ACAN: variants seen among roughly 807,000 people sequenced by gnomAD.
ACAN encodes the protein aggrecan core protein.
In ACAN, 47 loss-of-function variants were observed where a neutral mutation model predicts 169.1. The observed-to-expected ratio is 0.28, with a 90% confidence interval of 0.22 to 0.35. The LOEUF (loss-of-function observed/expected upper bound fraction) is 0.35. ACAN is among the 10% of genes least tolerant of loss of function. ACAN has a pLI of 1.00. For synonymous variants in ACAN, 1,115 were observed against 1,112.2 expected (o/e 1.00, Z -0.05); for missense variants, 2,716 against 2,759.9 (o/e 0.98, Z 0.36).
Position 88,858,023 on chromosome 15 carries a change from C to G in ACAN, c.5438C>G (p.Pro1813Arg). ...PGFSGATSGVPDLVSGTTSGS... is the reference protein window; with the variant it reads ...PGFSGATSGVRDLVSGTTSGS... ...TTCAGTGGGGCAACATCAGGAGTCC[C>G]TGACCTGGTTTCTGGTACCACGAGT... The change falls in exon 12 of 19, where the codon CCT becomes CGT. Residue 1813 changes from proline to arginine, a missense_variant. Pro to Arg is a moderately radical substitution (Grantham distance 103). Transcript: ENST00000560601. This position sits in a 1 kb window ranked among gnomAD's most constrained non-coding sequence, Gnocchi z 4.0. The G allele has an allele frequency of 6.2e-7, 1 of 1,613,952 alleles. No individual in the cohort carries two copies. Among genetic ancestry groups the G allele is most frequent in the Non-Finnish European group, 8.5e-7 (1 of 1,179,888 alleles).
Position 88,860,535 on chromosome 15 carries a change from G to A in ACAN, c.6946+96G>A. On this transcript the variant is annotated intron_variant, in intron 13 of 18. Transcript: ENST00000560601. Reference sequence around the variant, plus strand: ...CCCCAGGTGGGAGGAGGCAACCAAGGTCCACTGAGGCTCAGGCTGGGAAGG... The same window carrying A: ...CCCCAGGTGGGAGGAGGCAACCAAGATCCACTGAGGCTCAGGCTGGGAAGG... The A allele has an allele frequency of 3.1e-6, 3 of 971,736 alleles. No individual in the cohort carries two copies. The South Asian group carries it at 4.3e-5, about 14-fold the overall frequency. The allele number at this position is 971,736 out of a possible 1,614,324, so 60.2% of individuals were successfully genotyped here.
intron 1 of ACAN, among the ~76,000 whole-genome samples, chr15:88,805,891 T>C (rs1895667583): frequency 6.6e-6 from 1 of 152,028 alleles, no homozygotes; most frequent in African/African-American, 2.4e-5. Flanking sequence ...ACACGCCCAA[T>C]CCCAGGCAGC....
intron 1 of ACAN, among the ~76,000 whole-genome samples, chr15:88,812,205 C>T (rs1027450641): frequency 2.0e-5 from 3 of 152,126 alleles, no homozygotes; most frequent in African/African-American, 7.2e-5. Flanking sequence ...CTCAGTGACC[C>T]AGGGACTCCC....
At chr15:88,832,404 G>T (rs908511097) in intron 1 of ACAN, among the ~76,000 whole-genome samples, 1 of 152,022 alleles carries the variant, frequency 6.6e-6, no homozygotes, top group East Asian at 1.9e-4. Context: ...GAGGACAGGA[G>T]TTCGAGACCA....
intron 1 of ACAN, among the ~76,000 whole-genome samples, chr15:88,833,179 G>A (rs1280016341): frequency 6.6e-6 from 1 of 152,178 alleles, no homozygotes; most frequent in Non-Finnish European, 1.5e-5. Context: ...AGGAGGTGAA[G>A]GTTTCCTTGT....
At chr15:88,819,984 T>A (rs947391710) in intron 1 of ACAN, among the ~76,000 whole-genome samples, 1 of 151,968 alleles carries the variant, frequency 6.6e-6, no homozygotes, top group East Asian at 1.9e-4. Flanking sequence ...CTGAGGGAGA[T>A]GAGATAAGTT....
At position 88,845,679 on chromosome 15, in the gene ACAN, C is replaced by T. The variant is rs200227191; in HGVS notation, c.1226C>T (p.Pro409Leu). ...LTVKPIFEVS[P>L]SPLEPEEPFT... ...GTAAAGCCCATCTTCGAGGTCTCCC[C>T]CAGTCCCCTGGAACCCGAGGAGCCC... is the stretch of plus-strand genomic sequence containing the variant. The change falls in exon 7 of 19, where the codon CCC becomes CTC. Residue 409 changes from proline (P) to leucine (L), a missense_variant. Pro to Leu is a moderately conservative substitution (Grantham distance 98). Around this residue, in one of 3 missense-constraint regions of ACAN, gnomAD observed 1,283 missense variants for 1,281.5 expected, o/e 1.00. Transcript: ENST00000560601. The T allele has an allele frequency of 4.3e-6, 7 of 1,613,912 alleles. No homozygotes were observed. Among genetic ancestry groups the T allele is most frequent in the Non-Finnish European group, 5.9e-6 (7 of 1,179,906 alleles).
Position 88,857,353 on chromosome 15 carries a change from C to T in ACAN, c.4768C>T (p.Pro1590Ser), listed in dbSNP as rs185250189. Residue 1590 changes from proline to serine, a missense_variant, in exon 12 of 19, where the codon CCT (proline) becomes TCT (serine). By Grantham distance (74) the Pro-to-Ser change is moderately conservative. Coordinates refer to ENST00000560601, the MANE Select transcript of ACAN (RefSeq NM_001369268.1). ...TGGAGCTGAGGACCTCAGTGGGTTG[C>T]CTTCTGGAAAAGAAGACTTGGTGGG... ...ASGAEDLSGL[P>S]SGKEDLVGSA... 135 of 1,613,902 alleles carry T rather than the reference C, an allele frequency of 8.4e-5. 1 individual carries two copies. The East Asian group carries it at 2.5e-3, about 29-fold the overall frequency.
rs955451754 is a variant in ACAN at position 88,849,126 on chromosome 15, A to G, written c.1733-312A>G. On this transcript the variant is annotated intron_variant, in intron 9 of 18. Transcript: ENST00000560601. This position sits in a 1 kb window ranked among gnomAD's most constrained non-coding sequence, Gnocchi z 5.1. ...GGGGGTGCCTAAGTGTGAGTGGAGA[A>G]TCCAGAAAAGAGGGACGGAGGAGAA... Among the ~76,000 whole-genome samples, 11 of 152,318 alleles carry G rather than the reference A, an allele frequency of 7.2e-5. No homozygotes were observed. Among genetic ancestry groups the G allele is most frequent in the Admixed American group, 7.2e-4 (11 of 15,310 alleles).
Position 88,857,461 on chromosome 15 carries a change from C to T in ACAN, c.4876C>T (p.Pro1626Ser), listed in dbSNP as rs767764933. Residue 1626 changes from proline (P) to serine (S), a missense_variant, in exon 12 of 19, where the codon CCC (proline) becomes TCC (serine). Coordinates refer to ENST00000560601, the MANE Select transcript of ACAN (RefSeq NM_001369268.1). ...GCAAGCTCCAGAAACAAGTGGTCTT[C>T]CCTCTGGATTTAGTGGTGAGTATTC... ...SGQAPETSGLPSGFSGEYSGV... is the reference protein window; with the variant it reads ...SGQAPETSGLSSGFSGEYSGV... 44 of 1,613,790 alleles carry T rather than the reference C, an allele frequency of 2.7e-5. No homozygotes were observed. The Middle Eastern group carries it at 6.6e-4, about 24-fold the overall frequency.
At position 88,857,476 on chromosome 15, in the gene ACAN, G is replaced by A. The variant is rs1401323831; in HGVS notation, c.4891G>A (p.Gly1631Ser). Reference sequence around the variant, plus strand: ...AAGTGGTCTTCCCTCTGGATTTAGTGGTGAGTATTCTGGGGTGGACCTTGG... The same window carrying A: ...AAGTGGTCTTCCCTCTGGATTTAGTAGTGAGTATTCTGGGGTGGACCTTGG... ...ETSGLPSGFS[G>S]EYSGVDLGSG... is the part of the protein sequence containing the mutation. The change falls in exon 12 of 19, where the codon GGT becomes AGT. Residue 1631 changes from glycine to serine, a missense_variant. Around this residue, in one of 3 missense-constraint regions of ACAN, gnomAD observed 1,389 missense variants for 1,363.7 expected, o/e 1.02. Coordinates refer to ENST00000560601, the MANE Select transcript of ACAN (RefSeq NM_001369268.1). The A allele has an allele frequency of 1.9e-6, 3 of 1,613,808 alleles. No individual in the cohort carries two copies. The highest frequency in any genetic ancestry group is 2.2e-5 in the East Asian group (1 of 44,898).
chr15:88,804,109 T>G (rs963834043), intron 1 of ACAN, among the ~76,000 whole-genome samples: 1 of 152,186 alleles, frequency 6.6e-6, no homozygotes, highest in African/African-American at 2.4e-5. Flanking sequence ...TAGGTGATTT[T>G]AAATCCTAGG....
chr15:88,803,894 C>G (rs942776915), intron 1 of ACAN, 85 bp downstream of exon 1: 4 of 152,324 alleles, frequency 2.6e-5, no homozygotes, highest in African/African-American at 7.2e-5. Flanking sequence ...CGCCCCGGGG[C>G]TGGGGGCTGC....
At chr15:88,837,230 C>G (rs529474226) in intron 2 of ACAN, among the ~76,000 whole-genome samples, 4 of 152,296 alleles carry the variant, frequency 2.6e-5, no homozygotes, top group African/African-American at 7.2e-5. Flanking sequence ...CACAGCAGCA[C>G]ATGAGACCCC....
intron 6 of ACAN, among the ~76,000 whole-genome samples, chr15:88,844,141 T>C (rs1399555053): frequency 2.0e-5 from 3 of 152,108 alleles, no homozygotes; most frequent in African/African-American, 4.8e-5. Context: ...TTTTGTTTTT[T>C]TGTTTTTCTT....
Position 88,823,023 on chromosome 15 carries a change from G to C in ACAN, c.-7-13177G>C, listed in dbSNP as rs187678386. On this transcript the variant is annotated intron_variant, in intron 1 of 18. Transcript: ENST00000560601. ...TCTGATGGCCCTTTCTGGCAAGCAG[G>C]CATTTCCATCAGGACCCTCAGCTGC... Among the ~76,000 whole-genome samples, 219 of 152,300 alleles carry C rather than the reference G, an allele frequency of 1.4e-3. 2 individuals are homozygous for C. The highest frequency in any genetic ancestry group is 6.8e-3 in the Middle Eastern group (2 of 294).
rs1327629366 is a variant in ACAN at position 88,874,206 on chromosome 15, C to T, written c.7630+182C>T. 2.9e-6 allele frequency: 3 copies of T among 1,045,094 alleles called. No homozygotes were observed. The Admixed American group carries it at 6.0e-5, about 21-fold the overall frequency. 64.7% of individuals were successfully genotyped at this position (1,045,094 alleles called of 1,614,324 possible). A position where few individuals can be genotyped will look rare whatever the true frequency, so the allele number is the denominator to read the frequency against. On this transcript the variant is annotated intron_variant, in intron 18 of 18. Transcript: ENST00000560601. This position sits in a 1 kb window ranked among gnomAD's most constrained non-coding sequence, Gnocchi z 7.3. ...CCCTTAGAAGGGCCACGTACTTGTCCCAGGAGAGGGCTCACTTGGAGGATG... is the reference window on the plus strand; with the variant it reads ...CCCTTAGAAGGGCCACGTACTTGTCTCAGGAGAGGGCTCACTTGGAGGATG...
rs904417549 is a variant in ACAN at position 88,866,327 on chromosome 15, T to C, written c.6947-1889T>C. 6.6e-6 allele frequency among the ~76,000 whole-genome samples: 1 copy of C among 152,134 alleles called. No individual in the cohort carries two copies. The highest frequency in any genetic ancestry group is 2.1e-4 in the South Asian group (1 of 4,820). On this transcript the variant is annotated intron_variant, in intron 13 of 18. Transcript: ENST00000560601. The surrounding 1 kb of genome is among the most constrained non-coding windows in gnomAD (Gnocchi z 5.6). ...GCTTTAGCACCTACATTTGCTTAATTCCCCTTGCCCAGTGCTTCCCATCTC... is the reference window on the plus strand; with the variant it reads ...GCTTTAGCACCTACATTTGCTTAATCCCCCTTGCCCAGTGCTTCCCATCTC...
chr15:88,825,365 C>G (rs779808226), intron 1 of ACAN, among the ~76,000 whole-genome samples: 2 of 152,192 alleles, frequency 1.3e-5, no homozygotes, highest in Non-Finnish European at 2.9e-5. Flanking sequence ...GGAATCATCA[C>G]TCTGTATCTC....
Sources: allele counts gnomAD v4.1 joint callset (sites outside exome capture counted in the v4.1 genomes callset), GRCh38; gene constraint gnomAD v4.1.1; regional missense constraint gnomAD v4.1.1; non-coding constraint Gnocchi (gnomAD v3.1); transcripts MANE v1.5; gene names NCBI Gene and HGNC (gene_info 2026-07-23, HGNC 2026-07-21).